CDKN2B-AS1: variants seen among roughly 807,000 people sequenced by gnomAD.
CDKN2B-AS1 encodes CDKN2B antisense RNA 1 (non-protein coding).
chr9:22,123,581 C>T (rs1671985035), intron 4 of CDKN2B-AS1, among the ~76,000 whole-genome samples: 1 of 151,978 alleles, frequency 6.6e-6, no homozygotes, highest in South Asian at 2.1e-4. Context: ...AAAGAGCTGG[C>T]AGGTGCTGCT....
At chr9:22,027,898 A>G (rs562114209) in intron 1 of CDKN2B-AS1, among the ~76,000 whole-genome samples, 1 of 152,354 alleles carries the variant, frequency 6.6e-6, no homozygotes, top group East Asian at 1.9e-4. Flanking sequence ...GCTATATTTT[A>G]TTGAATAAAA....
chr9:22,123,763 G>A (rs2131378505), intron 4 of CDKN2B-AS1, among the ~76,000 whole-genome samples: 1 of 152,188 alleles, frequency 6.6e-6, no homozygotes, highest in East Asian at 1.9e-4. Flanking sequence ...TTGTTCCAGG[G>A]GACAGAAATA....
At chr9:22,007,086 C>G (rs1206935631) in intron 1 of CDKN2B-AS1, among the ~76,000 whole-genome samples, 1 of 151,992 alleles carries the variant, frequency 6.6e-6, no homozygotes, top group Non-Finnish European at 1.5e-5. Flanking sequence ...TGGGCCAGGC[C>G]CAGTGGCTTA....
At chr9:22,085,509 A>G (rs574725294) in intron 4 of CDKN2B-AS1, among the ~76,000 whole-genome samples, 1 of 152,242 alleles carries the variant, frequency 6.6e-6, no homozygotes, top group East Asian at 1.9e-4. Flanking sequence ...TCACGAGGTC[A>G]GGAGATCAAG....
At position 22,007,093 on chromosome 9, in the gene CDKN2B-AS1, C is replaced by T. The variant is rs576187990; in HGVS notation, n.29+11932C>T. 9.2e-5 allele frequency among the ~76,000 whole-genome samples: 14 copies of T among 152,286 alleles called. 1 individual carries two copies. Among genetic ancestry groups the T allele is most frequent in the African/African-American group, 3.1e-4 (13 of 41,562 alleles). ...AAAGAGCTTGGGCCAGGCCCAGTGG[C>T]TTATGCCTGTAATCCCAGCACTTTG... On this transcript the variant is annotated intron_variant and non_coding_transcript_variant, in intron 1 of 4. Transcript: ENST00000650946.
rs752926081 is a variant in CDKN2B-AS1, at chr9:22,006,176, G to C, written n.29+11015G>C. 1.1e-5 allele frequency: 18 copies of C among 1,610,480 alleles called. No individual in the cohort carries two copies. The South Asian group carries it at 1.8e-4, about 16-fold the overall frequency. On this transcript the variant is annotated intron_variant and non_coding_transcript_variant, in intron 1 of 4. Transcript: ENST00000650946. The surrounding 1 kb of genome is among the most constrained non-coding windows in gnomAD (Gnocchi z 6.4). Reference sequence around the variant, plus strand: ...GCACCGGTCGGGTGAGAGTGGCAGGGTCTGCGCAGTTGGGCTCCGCGCCGT... The same window carrying C: ...GCACCGGTCGGGTGAGAGTGGCAGGCTCTGCGCAGTTGGGCTCCGCGCCGT...
At chr9:22,098,377 A>C (rs533678965) in intron 4 of CDKN2B-AS1, among the ~76,000 whole-genome samples, 30 of 152,008 alleles carry the variant, frequency 2.0e-4, no homozygotes, top group African/African-American at 6.0e-4. Context: ...ATCTAAAAGA[A>C]ACTATTACTT....
chr9:22,011,050 T>C (rs1416158204), intron 1 of CDKN2B-AS1, among the ~76,000 whole-genome samples: 1 of 152,188 alleles, frequency 6.6e-6, no homozygotes, highest in African/African-American at 2.4e-5. Context: ...GTTGACTGAA[T>C]GAAAAACAAC....
At chr9:22,008,631 GA>G in intron 1 of CDKN2B-AS1, 2 of 1,586,028 alleles carry the variant, frequency 1.3e-6, no homozygotes, top group Non-Finnish European at 1.7e-6. Flanking sequence ...CTCTCTTTAG[GA>G]TTTTTGCTGG....
intron 4 of CDKN2B-AS1, among the ~76,000 whole-genome samples, chr9:22,125,671 T>C (rs1818007967): frequency 6.6e-6 from 1 of 152,244 alleles, no homozygotes. Flanking sequence ...TTCTGTTTTA[T>C]TCAGCAATTA....
intron 4 of CDKN2B-AS1, among the ~76,000 whole-genome samples, chr9:22,077,013 G>A (rs1384567357): frequency 2.0e-5 from 3 of 152,156 alleles, no homozygotes; most frequent in African/African-American, 4.8e-5. Context: ...ACTATAGTTG[G>A]CAGGTTGGGC....
chr9:22,077,444 A>T (rs1824539230), intron 4 of CDKN2B-AS1, among the ~76,000 whole-genome samples: 1 of 152,224 alleles, frequency 6.6e-6, no homozygotes, highest in Non-Finnish European at 1.5e-5. Flanking sequence ...ACATGTATCC[A>T]AGTTGCTCTC....
At chr9:22,022,739 A>T (rs1356004728) in intron 1 of CDKN2B-AS1, among the ~76,000 whole-genome samples, 1 of 152,084 alleles carries the variant, frequency 6.6e-6, no homozygotes, top group Admixed American at 6.6e-5. Flanking sequence ...TGTGTACTTC[A>T]GTGTGTTTTT....
chr9:22,007,543 CTAAA>C (rs748705961), intron 1 of CDKN2B-AS1, among the ~76,000 whole-genome samples: 1 of 152,028 alleles, frequency 6.6e-6, no homozygotes, highest in Non-Finnish European at 1.5e-5. Flanking sequence ...TTTTTGGTAA[CTAAA>C]TGTCTAAAAT....
intron 4 of CDKN2B-AS1, among the ~76,000 whole-genome samples, chr9:22,086,164 G>T (rs562213864): frequency 6.6e-6 from 1 of 152,234 alleles, no homozygotes; most frequent in African/African-American, 2.4e-5. Context: ...TTATTATTGA[G>T]ATGAAAATCA....
At chr9:22,008,738 C>G in intron 1 of CDKN2B-AS1, 1 of 1,610,794 alleles carries the variant, frequency 6.2e-7, no homozygotes, top group African/African-American at 1.3e-5. Flanking sequence ...CCCCGATCCG[C>G]CGAGGCCGCG....
At chr9:22,026,132 A>T (rs928362951) in intron 1 of CDKN2B-AS1, among the ~76,000 whole-genome samples, 1 of 150,488 alleles carries the variant, frequency 6.6e-6, no homozygotes, top group Non-Finnish European at 1.5e-5. Flanking sequence ...TTTGTCGGGC[A>T]GCTGTTCTGT....
chr9:22,123,588 T>C (rs193009834), intron 4 of CDKN2B-AS1, among the ~76,000 whole-genome samples: 25 of 152,240 alleles, frequency 1.6e-4, no homozygotes, highest in Non-Finnish European at 3.5e-4. Context: ...TGGCAGGTGC[T>C]GCTATTAGGA....
intron 4 of CDKN2B-AS1, chr9:22,092,252 A>G (rs1239975505): frequency 6.6e-6 from 1 of 152,060 alleles, no homozygotes; most frequent in Non-Finnish European, 1.5e-5. Context: ...TTTTGCATCG[A>G]TGTTCGTCAG....
Sources: allele counts gnomAD v4.1 joint callset (sites outside exome capture counted in the v4.1 genomes callset), GRCh38; gene constraint gnomAD v4.1.1; non-coding constraint Gnocchi (gnomAD v3.1); transcripts MANE v1.5; gene names NCBI Gene and HGNC (gene_info 2026-07-23, HGNC 2026-07-21).